The following GPR61 variants were observed in gnomAD, a reference collection of about 807,000 sequenced individuals.
GPR61 encodes G protein-coupled receptor 61, also known as G-protein coupled receptor 61.
Under a neutral mutation model 29.2 loss-of-function variants are expected in GPR61, and 15 were observed. The observed-to-expected ratio is 0.51, with a 90% CI of 0.34 to 0.79. GPR61 has a LOEUF of 0.79. Among genes scored for constraint, GPR61 ranks in the 30% least tolerant of loss-of-function variants. The probability of loss-of-function intolerance (pLI) is 0.01; values close to 1 mark genes in which losing one functional copy is unlikely to be tolerated. For synonymous variants in GPR61, 238 were observed against 242.3 expected, an observed-to-expected ratio of 0.98 and a Z score of 0.17; for missense variants, 399 against 582.5, an observed-to-expected ratio of 0.69 and a Z score of 3.24.
In GPR61 at chr1:109,546,580, C is replaced by T. The variant is rs1002658653; in HGVS notation, c.*2202C>T. ...CTTTTCCTTTGACTTTGCCCTCCAG[C>T]CCTTCCTTCACATACATCAAAGAAG... On this transcript the variant is annotated 3_prime_UTR_variant, in exon 2 of 2. Coordinates refer to ENST00000527748, the MANE Select transcript of GPR61 (RefSeq NM_001393907.1). 5 of 152,176 alleles carry T rather than the reference C, an allele frequency of 3.3e-5. No individual in the cohort carries two copies. Among genetic ancestry groups the T allele is most frequent in the Non-Finnish European group, 7.3e-5 (5 of 68,030 alleles). The allele number at this position is 152,176 out of a possible 1,614,324, so 9.4% of individuals were successfully genotyped here.
At position 109,543,573 on chromosome 1, in the gene GPR61, G is replaced by A; in HGVS notation, c.551G>A (p.Trp184Ter). ...ASVPVLGRVS[W>*]EEGAPSVPPG... ...GTGCCAGTGTTGGGAAGGGTCTCCT[G>A]GGAGGAAGGAGCTCCCAGTGTCCCC... Residue 184 changes from tryptophan (W) to a stop codon, truncating the protein, a stop_gained, in exon 2 of 2, where the codon TGG (tryptophan) becomes TAG (stop). Transcript: ENST00000527748. LOFTEE classifies it high-confidence loss of function. This position sits in a 1 kb window ranked among gnomAD's most constrained non-coding sequence, Gnocchi z 6.8. 1 of 1,614,114 alleles carries A rather than the reference G, an allele frequency of 6.2e-7. No homozygotes were observed. The highest frequency in any genetic ancestry group is 8.5e-7 in the Non-Finnish European group (1 of 1,180,014).
rs1159678600 is a variant in GPR61 at position 109,546,293 on chromosome 1, T to C, written c.*1915T>C. The C allele has an allele frequency of 6.6e-6, 1 of 152,218 alleles. No individual in the cohort carries two copies. The highest frequency in any genetic ancestry group is 2.4e-5 in the African/African-American group (1 of 41,464). The allele number at this position is 152,218 out of a possible 1,614,324, so 9.4% of individuals were successfully genotyped here. Reference sequence around the variant, plus strand: ...AAGTTCCCTAAAAACATAGTATATATAGGGAGGAGAGTCCTTTGTGATTGA... The same window carrying C: ...AAGTTCCCTAAAAACATAGTATATACAGGGAGGAGAGTCCTTTGTGATTGA... On this transcript the variant is annotated 3_prime_UTR_variant, in exon 2 of 2. Transcript: ENST00000527748.
Position 109,545,744 on chromosome 1 carries a change from G to C in GPR61, c.*1366G>C, listed in dbSNP as rs1230121810. On this transcript the variant is annotated 3_prime_UTR_variant, in exon 2 of 2. Coordinates refer to ENST00000527748, the MANE Select transcript of GPR61 (RefSeq NM_001393907.1). ...TGGTCTCTATTTGAACAAATTCCTG[G>C]CTCACTGAGCATCAAAAGGGGAAAT... is the stretch of plus-strand genomic sequence containing the variant. 6.6e-6 allele frequency: 1 copy of C among 152,176 alleles called. No homozygotes were observed. Among genetic ancestry groups the C allele is most frequent in the East Asian group, 1.9e-4 (1 of 5,200 alleles). 9.4% of individuals were successfully genotyped at this position (152,176 alleles called of 1,614,324 possible). A position where few individuals can be genotyped will look rare whatever the true frequency, so the allele number is the denominator to read the frequency against.
chr1:109,541,569 T>C (rs1647643097), intron 1 of GPR61, among the ~76,000 whole-genome samples: 1 of 152,236 alleles, frequency 6.6e-6, no homozygotes, highest in African/African-American at 2.4e-5. Flanking sequence ...ATTGCAGCCA[T>C]AGAAATGATG....
chr1:109,540,826 G>A (rs888506648), intron 1 of GPR61, among the ~76,000 whole-genome samples: 2 of 152,198 alleles, frequency 1.3e-5, no homozygotes, highest in Non-Finnish European at 2.9e-5. Flanking sequence ...GGAGACACTG[G>A]CAAGCTTGAG....
Position 109,547,015 on chromosome 1 carries a change from T to C in GPR61, c.*2637T>C, listed in dbSNP as rs1011629461. On this transcript the variant is annotated 3_prime_UTR_variant, in exon 2 of 2. Transcript: ENST00000527748. ...AAACCTTAGACTTTCTGTTGTCAGG[T>C]GTCCCCAGGCAATATCCTACGGGGG... is the stretch of plus-strand genomic sequence containing the variant. The C allele has an allele frequency of 9.9e-5, 15 of 152,220 alleles. No individual in the cohort carries two copies. Among genetic ancestry groups the C allele is most frequent in the African/African-American group, 3.6e-4 (15 of 41,450 alleles). The allele number at this position is 152,220 out of a possible 1,614,324, so 9.4% of individuals were successfully genotyped here.
rs145068355 is a variant in GPR61 at position 109,544,066 on chromosome 1, C to T, written c.1044C>T (p.Ile348=). The change falls in exon 2 of 2, where the codon ATC becomes ATT. Residue 348 remains isoleucine (I), a synonymous_variant. Coordinates refer to ENST00000527748, the MANE Select transcript of GPR61 (RefSeq NM_001393907.1). This position sits in a 1 kb window ranked among gnomAD's most constrained non-coding sequence, Gnocchi z 4.6. The stretch of plus-strand genomic sequence containing the variant: ...TCTATGGATGTCTCAACCGGCAGAT[C>T]CGGGGGGAGCTCAGCAAGCAGTTTG... ...PFFYGCLNRQ[I]RGELSKQFVC... The T allele has an allele frequency of 1.1e-4, 183 of 1,614,080 alleles. No homozygotes were observed. Among genetic ancestry groups the T allele is most frequent in the Non-Finnish European group, 1.5e-4 (177 of 1,180,048 alleles).
At chr1:109,540,618 A>G (rs1647601985) in intron 1 of GPR61, among the ~76,000 whole-genome samples, 1 of 150,370 alleles carries the variant, frequency 6.7e-6, no homozygotes, top group Non-Finnish European at 1.5e-5. Context: ...GGGGAAGGAA[A>G]GCATCTGTTG....
At position 109,544,503 on chromosome 1, in the gene GPR61, C is replaced by A; in HGVS notation, c.*125C>A. 1.4e-6 allele frequency: 1 copy of A among 691,660 alleles called. No homozygotes were observed. Among genetic ancestry groups the A allele is most frequent in the Non-Finnish European group, 2.5e-6 (1 of 404,652 alleles). 42.8% of individuals were successfully genotyped at this position (691,660 alleles called of 1,614,324 possible). On this transcript the variant is annotated 3_prime_UTR_variant, in exon 2 of 2. Coordinates refer to ENST00000527748, the MANE Select transcript of GPR61 (RefSeq NM_001393907.1). This position sits in a 1 kb window ranked among gnomAD's most constrained non-coding sequence, Gnocchi z 4.6. ...CTGGGGTCTCTGCACACAGCTTTTG[C>A]TTAGTGTTTCCTGGGTCAGGAACAG...
Position 109,543,098 on chromosome 1 carries a change from T to C in GPR61, c.76T>C (p.Ser26Pro). 6.4e-7 allele frequency: 1 copy of C among 1,574,200 alleles called. No homozygotes were observed. Among genetic ancestry groups the C allele is most frequent in the Non-Finnish European group, 8.6e-7 (1 of 1,158,520 alleles). ...GAGGGTCCCTCAAACCCCAGGTCCC[T>C]CTACTGCCAGTGGGGTCCCGGAGGT... is the stretch of plus-strand genomic sequence containing the variant. ...LGRVPQTPGP[S>P]TASGVPEVGL... Residue 26 changes from serine to proline, a missense_variant, in exon 2 of 2, where the codon TCT becomes CCT. Physicochemically the swap from Ser to Pro is moderately conservative, Grantham distance 74. Transcript: ENST00000527748. The surrounding 1 kb of genome is among the most constrained non-coding windows in gnomAD (Gnocchi z 6.8).
intron 1 of GPR61, among the ~76,000 whole-genome samples, chr1:109,541,633 TGTA>T (rs1160813782): frequency 6.6e-6 from 1 of 152,210 alleles, no homozygotes; most frequent in African/African-American, 2.4e-5. Context: ...GTTCTGTGAC[TGTA>T]GTAAGTCTAG....
At chr1:109,542,065 G>A (rs561648118) in intron 1 of GPR61, among the ~76,000 whole-genome samples, 10 of 152,304 alleles carry the variant, frequency 6.6e-5, no homozygotes, top group South Asian at 4.1e-4. Context: ...CAGCCGGCAC[G>A]GAGGGCACCT....
Position 109,543,490 on chromosome 1 carries a change from G to A in GPR61, c.468G>A (p.Leu156=). 6.2e-7 allele frequency: 1 copy of A among 1,614,030 alleles called. No individual in the cohort carries two copies. The highest frequency in any genetic ancestry group is 8.5e-7 in the Non-Finnish European group (1 of 1,179,986). ...HPMRYEVRMT[L]GLVASVLVGV... The stretch of plus-strand genomic sequence containing the variant: ...TGCGCTACGAGGTGCGCATGACGCT[G>A]GGGCTGGTGGCCTCTGTGCTGGTGG... The change falls in exon 2 of 2, where the codon CTG becomes CTA. Residue 156 remains leucine, a synonymous_variant. Transcript: ENST00000527748. The surrounding 1 kb of genome is among the most constrained non-coding windows in gnomAD (Gnocchi z 6.8).
At position 109,543,921 on chromosome 1, in the gene GPR61, GGTTGCCCTACTTCTCTTTCCACCTCTAT is replaced by G; in HGVS notation, c.908_935del (p.Tyr303Ter). The G allele has an allele frequency of 6.2e-7, 1 of 1,614,062 alleles. No homozygotes were observed. Among genetic ancestry groups the G allele is most frequent in the African/African-American group, 1.3e-5 (1 of 75,072 alleles). On this transcript the variant is annotated frameshift_variant, in exon 2 of 2. Transcript: ENST00000527748. LOFTEE classifies it high-confidence loss of function. The surrounding 1 kb of genome is among the most constrained non-coding windows in gnomAD (Gnocchi z 6.8). ...GTGGGGGGACAGTTCCTGCTCTGTT[GGTTGCCCTACTTCTCTTTCCACCTCTAT>G]GTTGCCCTGAGTGCTCAGCCCATTT... is the stretch of plus-strand genomic sequence containing the variant.
In GPR61 at chr1:109,543,953, G is replaced by A; in HGVS notation, c.931G>A (p.Ala311Thr). ...CTACTTCTCTTTCCACCTCTATGTT[G>A]CCCTGAGTGCTCAGCCCATTTCAAC... ...LPYFSFHLYV[A>T]LSAQPISTGQ... The change falls in exon 2 of 2, where the codon GCC becomes ACC. Residue 311 changes from alanine to threonine, a missense_variant. Transcript: ENST00000527748. This position sits in a 1 kb window ranked among gnomAD's most constrained non-coding sequence, Gnocchi z 6.8. The A allele has an allele frequency of 1.2e-6, 2 of 1,614,196 alleles. No individual in the cohort carries two copies. Among genetic ancestry groups the A allele is most frequent in the South Asian group, 1.1e-5 (1 of 91,092 alleles).
chr1:109,544,428 G>A lies in GPR61; in HGVS notation c.*50G>A, dbSNP rs1284813605. 7.3e-7 allele frequency: 1 copy of A among 1,371,346 alleles called. No homozygotes were observed. Among genetic ancestry groups the A allele is most frequent in the Admixed American group, 1.8e-5 (1 of 54,884 alleles). 84.9% of individuals were successfully genotyped at this position (1,371,346 alleles called of 1,614,324 possible). On this transcript the variant is annotated 3_prime_UTR_variant, in exon 2 of 2. Transcript: ENST00000527748. This position sits in a 1 kb window ranked among gnomAD's most constrained non-coding sequence, Gnocchi z 4.6. ...TATGGGGCTGGGGCCAGTTATGATTGCAAGGACCACCTTGTGGGATCACCT... is the reference window on the plus strand; with the variant it reads ...TATGGGGCTGGGGCCAGTTATGATTACAAGGACCACCTTGTGGGATCACCT...
At position 109,546,759 on chromosome 1, in the gene GPR61, T is replaced by C. The variant is rs1647815094; in HGVS notation, c.*2381T>C. ...ATCATGAAGGAAATAAAAATTTCTC[T>C]TTTATTATGCTGAGAACTTTCCCAA... On this transcript the variant is annotated 3_prime_UTR_variant, in exon 2 of 2. Coordinates refer to ENST00000527748, the MANE Select transcript of GPR61 (RefSeq NM_001393907.1). 1 of 152,236 alleles carries C rather than the reference T, an allele frequency of 6.6e-6. No homozygotes were observed. The highest frequency in any genetic ancestry group is 2.1e-4 in the South Asian group (1 of 4,838). The allele number at this position is 152,236 out of a possible 1,614,324, so 9.4% of individuals were successfully genotyped here. A position where few individuals can be genotyped will look rare whatever the true frequency, so the allele number is the denominator to read the frequency against.
chr1:109,543,375 A>G lies in GPR61; in HGVS notation c.353A>G (p.Tyr118Cys). ...TTTGGGGAGGTGGCCTGCCGCCTCT[A>G]CTTGTTTCTGAGCGTGTGCTTTGTC... ...ALFGEVACRL[Y>C]LFLSVCFVSL... Residue 118 changes from tyrosine to cysteine, a missense_variant, in exon 2 of 2, where the codon TAC (tyrosine) becomes TGC (cysteine). Physicochemically the swap from Tyr to Cys is radical, Grantham distance 194 (BLOSUM62 -2). Transcript: ENST00000527748. The surrounding 1 kb of genome is among the most constrained non-coding windows in gnomAD (Gnocchi z 6.8). 3 of 1,610,860 alleles carry G rather than the reference A, an allele frequency of 1.9e-6. No homozygotes were observed. Among genetic ancestry groups the G allele is most frequent in the Non-Finnish European group, 2.5e-6 (3 of 1,179,752 alleles).
At position 109,544,058 on chromosome 1, in the gene GPR61, C is replaced by T. The variant is rs768214287; in HGVS notation, c.1036C>T (p.Arg346Trp). Reference protein sequence around the residue: ...SNPFFYGCLNRQIRGELSKQF... With the variant: ...SNPFFYGCLNWQIRGELSKQF... Reference sequence around the variant, plus strand: ...CCCTTTCTTCTATGGATGTCTCAACCGGCAGATCCGGGGGGAGCTCAGCAA... The same window carrying T: ...CCCTTTCTTCTATGGATGTCTCAACTGGCAGATCCGGGGGGAGCTCAGCAA... Residue 346 changes from arginine to tryptophan, a missense_variant, in exon 2 of 2, where the codon CGG becomes TGG. Physicochemically the swap from Arg to Trp is moderately radical, Grantham distance 101. Coordinates refer to ENST00000527748, the MANE Select transcript of GPR61 (RefSeq NM_001393907.1). This position sits in a 1 kb window ranked among gnomAD's most constrained non-coding sequence, Gnocchi z 4.6. 8.1e-6 allele frequency: 13 copies of T among 1,614,180 alleles called. No homozygotes were observed. Among genetic ancestry groups the T allele is most frequent in the African/African-American group, 1.3e-5 (1 of 75,046 alleles).
Sources: allele counts gnomAD v4.1 joint callset (sites outside exome capture counted in the v4.1 genomes callset), GRCh38; gene constraint gnomAD v4.1.1; non-coding constraint Gnocchi (gnomAD v3.1); transcripts MANE v1.5; gene names NCBI Gene and HGNC (gene_info 2026-07-23, HGNC 2026-07-21).